Variants in FNBP1 observed in about 807,000 individuals in gnomAD.
FNBP1 encodes formin binding protein 1, also known as formin-binding protein 1.
A neutral mutation model predicts 90.6 loss-of-function variants in FNBP1; 26 were observed. That is an observed-to-expected ratio of 0.29 (90% CI 0.21 to 0.40). The LOEUF (loss-of-function observed/expected upper bound fraction) is 0.40, where lower values mean the gene tolerates loss of function less well. FNBP1 is among the 10% of genes least tolerant of loss of function. The pLI is 1.00. For synonymous variants in FNBP1, 260 were observed against 265.2 expected (o/e 0.98, Z 0.19); for missense variants, 635 against 768.0 (o/e 0.83, Z 2.05).
At chr9:130,024,271 TAATA>T (rs1219696101) in intron 1 of FNBP1, among the ~76,000 whole-genome samples, 2 of 151,718 alleles carry the variant, frequency 1.3e-5, no homozygotes, top group South Asian at 2.1e-4. Flanking sequence ...CAGGAAATAA[TAATA>T]AATAAGAAAT....
intron 8 of FNBP1, among the ~76,000 whole-genome samples, chr9:129,926,979 C>G (rs2042018462): frequency 1.3e-5 from 2 of 151,696 alleles, no homozygotes; most frequent in Admixed American, 1.3e-4. Context: ...CCAGGAAATA[C>G]TTCAATTCAA....
chr9:129,954,019 CA>C lies in FNBP1; in HGVS notation c.513+3340del, dbSNP rs1227731918. 2.7e-5 allele frequency among the ~76,000 whole-genome samples: 4 copies of C among 150,740 alleles called. No individual in the cohort carries two copies. The East Asian group carries it at 7.8e-4, about 29-fold the overall frequency. On this transcript the variant is annotated intron_variant, in intron 6 of 16. Transcript: ENST00000446176. ...CATAGTGAGATCCCATCTCTATATA[CA>C]AAAAATAATAATATAATAAAATAAG...
chr9:129,950,537 G>T (rs773410987), intron 6 of FNBP1, among the ~76,000 whole-genome samples: 3 of 152,150 alleles, frequency 2.0e-5, no homozygotes, highest in Non-Finnish European at 4.4e-5. Flanking sequence ...TGGCCTCAGG[G>T]AGAAAAACAA....
chr9:130,047,400 G>GTC (rs1416161459), upstream of FNBP1, among the ~76,000 whole-genome samples: 3 of 152,228 alleles, frequency 2.0e-5, no homozygotes, highest in East Asian at 5.8e-4. Flanking sequence ...GGATCATGAG[G>GTC]TCAGGAGTTC....
intron 11 of FNBP1, chr9:129,910,211 G>T (rs1313381061): frequency 6.6e-6 from 3 of 456,020 alleles, no homozygotes; most frequent in Non-Finnish European, 1.3e-5. Context: ...TGCTGGGCAC[G>T]GTGGCTCATG....
At chr9:129,905,219 A>G (rs2037758196) in intron 12 of FNBP1, among the ~76,000 whole-genome samples, 1 of 149,782 alleles carries the variant, frequency 6.7e-6, no homozygotes, top group African/African-American at 2.5e-5. Context: ...CAATCTTTCC[A>G]CATGTTTATC....
At chr9:130,027,275 C>T (rs1035608751) in intron 1 of FNBP1, among the ~76,000 whole-genome samples, 1 of 152,132 alleles carries the variant, frequency 6.6e-6, no homozygotes, top group African/African-American at 2.4e-5. Context: ...ATTATGAAGA[C>T]ATTAAGCCAT....
the FNBP1 span, among the ~76,000 whole-genome samples, chr9:130,052,761 A>C: frequency 2.0e-5 from 3 of 152,092 alleles, no homozygotes; most frequent in South Asian, 6.2e-4. Flanking sequence ...GTACAGTATT[A>C]TATTCAAATT....
At chr9:129,894,877 G>C (rs10988539) in intron 16 of FNBP1, among the ~76,000 whole-genome samples, 152,098 of 152,330 alleles carry the variant, frequency 1, 75,933 homozygotes, top group Non-Finnish European at 1. Flanking sequence ...CTGGCCAACA[G>C]AGCGAACCCG....
chr9:129,940,472 T>C (rs1377880232), intron 6 of FNBP1, among the ~76,000 whole-genome samples: 2 of 151,900 alleles, frequency 1.3e-5, no homozygotes, highest in Admixed American at 6.6e-5. Context: ...ATGTAATATA[T>C]AGGAAATGAA....
At chr9:129,949,792 T>C (rs939651044) in intron 6 of FNBP1, among the ~76,000 whole-genome samples, 3 of 150,284 alleles carry the variant, frequency 2.0e-5, no homozygotes, top group African/African-American at 4.9e-5. Flanking sequence ...TTTCAATCCA[T>C]ATCTGGGCAT....
chr9:129,914,176 CT>C (rs770333230), intron 11 of FNBP1, among the ~76,000 whole-genome samples: 274 of 141,008 alleles, frequency 1.9e-3, no homozygotes, highest in Non-Finnish European at 2.3e-3. Flanking sequence ...TTTCTTTTGT[CT>C]TTTTTTTTTT....
chr9:130,050,477 C>T, the FNBP1 span, among the ~76,000 whole-genome samples: 1 of 152,132 alleles, frequency 6.6e-6, no homozygotes, highest in African/African-American at 2.4e-5. Flanking sequence ...GCATTCCCGA[C>T]ACCCCAAGAA....
At chr9:129,893,941 A>C (rs1166477784) in intron 16 of FNBP1, among the ~76,000 whole-genome samples, 1 of 149,770 alleles carries the variant, frequency 6.7e-6, no homozygotes, top group African/African-American at 2.5e-5. Context: ...AAAGTTTTTT[A>C]AAAAATCAGG....
upstream of FNBP1, among the ~76,000 whole-genome samples, chr9:130,043,585 C>T (rs919702874): frequency 1.3e-5 from 2 of 152,246 alleles, no homozygotes; most frequent in African/African-American, 2.4e-5. Context: ...CCATGCGCGC[C>T]GAGCAGAGTC....
chr9:129,903,472 A>G (rs540763513), intron 12 of FNBP1, among the ~76,000 whole-genome samples: 208 of 152,172 alleles, frequency 1.4e-3, no homozygotes, highest in African/African-American at 4.7e-3. Context: ...GAAATTCTCT[A>G]TAGGAATTCT....
intron 2 of FNBP1, among the ~76,000 whole-genome samples, chr9:129,986,010 C>T (rs1318649956): frequency 1.4e-5 from 2 of 147,160 alleles, no homozygotes; most frequent in Non-Finnish European, 3.0e-5. Context: ...GTGGTGTGTG[C>T]CTGTAATCCC....
intron 15 of FNBP1, among the ~76,000 whole-genome samples, chr9:129,899,053 G>C (rs1321370483): frequency 6.6e-6 from 1 of 151,544 alleles, no homozygotes; most frequent in Admixed American, 6.6e-5. Context: ...GCATAGTAGA[G>C]AAGGATCTGG....
At chr9:129,926,489 GC>G (rs2041930233) in intron 8 of FNBP1, among the ~76,000 whole-genome samples, 1 of 152,128 alleles carries the variant, frequency 6.6e-6, no homozygotes, top group Non-Finnish European at 1.5e-5. Context: ...CTCGGGGAGT[GC>G]TACTGGCCTC....
Sources: allele counts gnomAD v4.1 joint callset (sites outside exome capture counted in the v4.1 genomes callset), GRCh38; gene constraint gnomAD v4.1.1; transcripts MANE v1.5; gene names NCBI Gene and HGNC (gene_info 2026-07-23, HGNC 2026-07-21).